WASHC2C: variants seen among roughly 807,000 people sequenced by gnomAD.
WASHC2C encodes Vaccinia Penetration Factor.
Under a neutral mutation model 142.2 loss-of-function variants are expected in WASHC2C, and 73 were observed. The ratio of observed to expected loss-of-function variants is 0.51; its 90% CI spans 0.43 to 0.62. The LOEUF (loss-of-function observed/expected upper bound fraction) is 0.62, where lower values mean the gene tolerates loss of function less well. Ranked by LOEUF, WASHC2C falls within the 20% of genes least tolerant of loss-of-function variation. WASHC2C has a pLI of 0.00. For synonymous variants in WASHC2C, 337 were observed against 565.5 expected (o/e 0.60, Z 5.73); for missense variants, 969 against 1,531.7 (o/e 0.63, Z 6.13).
At chr10:45,784,263 T>TAC (rs2057774170) in intron 23 of WASHC2C, among the ~76,000 whole-genome samples, 2 of 4,926 alleles carry the variant, frequency 4.1e-4, no homozygotes, top group Non-Finnish European at 1.1e-3. Flanking sequence ...TATATATATA[T>TAC]ATATATATAT....
Position 45,790,418 on chromosome 10 carries a change from A to G in WASHC2C, c.3771A>G (p.Thr1257=), listed in dbSNP as rs1205968162. The change falls in exon 30 of 31, where the codon ACA becomes ACG. Residue 1257 remains threonine (T), a synonymous_variant. Transcript: ENST00000623400. ...PSQKTREKEK[T]LESNLFDDNI... ...AGAAAACCAGAGAGAAGGAGAAAAC[A>G]TTGGAATCTAATTTATTTGATGATA... 6.2e-7 allele frequency: 1 copy of G among 1,611,148 alleles called. No homozygotes were observed. The highest frequency in any genetic ancestry group is 8.5e-7 in the Non-Finnish European group (1 of 1,179,478).
At position 45,789,067 on chromosome 10, in the gene WASHC2C, C is replaced by G; in HGVS notation, c.3284C>G (p.Ala1095Gly). The stretch of plus-strand genomic sequence containing the variant: ...AGTGGAGAAGACAGCACTGAGGAGG[C>G]CCTGGCAGCTGCCGCTGCACCTTGG... ...AASGEDSTEE[A>G]LAAAAAPWEG... Residue 1095 changes from alanine (A) to glycine (G), a missense_variant, in exon 29 of 31, where the codon GCC becomes GGC. Transcript: ENST00000623400. 7 of 1,612,058 alleles carry G rather than the reference C, an allele frequency of 4.3e-6. No homozygotes were observed. Among genetic ancestry groups the G allele is most frequent in the Non-Finnish European group, 5.9e-6 (7 of 1,179,862 alleles).
Position 45,743,454 on chromosome 10 carries a change from A to G in WASHC2C, c.593A>G (p.Asp198Gly), listed in dbSNP as rs201159968. The change falls in exon 6 of 31, where the codon GAT (aspartate) becomes GGT (glycine). Residue 198 changes from aspartate to glycine, a missense_variant. By Grantham distance (94) the Asp-to-Gly change is moderately conservative. Coordinates refer to ENST00000623400, the MANE Select transcript of WASHC2C (RefSeq NM_001330074.2). ...TCAAAGCTGTTCATGGAACAAGAAG[A>G]TGTAGGTCTTGGAGAGCTGTCCAGT... ...IGSKLFMEQE[D>G]VGLGELSSEE... The G allele has an allele frequency of 1.1e-4, 171 of 1,611,832 alleles. No homozygotes were observed. Among genetic ancestry groups the G allele is most frequent in the South Asian group, 3.3e-5 (3 of 90,984 alleles).
chr10:45,770,566 T>C (rs1242229874), intron 20 of WASHC2C, among the ~76,000 whole-genome samples: 2 of 152,092 alleles, frequency 1.3e-5, no homozygotes, highest in Admixed American at 6.6e-5. Flanking sequence ...AAGTAACTGA[T>C]TGGACATGTA....
chr10:45,752,289 G>A (rs575214742), intron 11 of WASHC2C, among the ~76,000 whole-genome samples: 141 of 152,374 alleles, frequency 9.3e-4, no homozygotes, highest in African/African-American at 2.8e-3. Flanking sequence ...TGAATGTGGC[G>A]TCTGACCCGA....
chr10:45,768,201 C>T (rs1455611837), intron 19 of WASHC2C, among the ~76,000 whole-genome samples: 21 of 148,166 alleles, frequency 1.4e-4, no homozygotes, highest in South Asian at 2.2e-4. Context: ...CACTCCAGCC[C>T]GGGCCACAGA....
At chr10:45,784,287 T>TATATATATATATATATAC (rs1554889013) in intron 23 of WASHC2C, among the ~76,000 whole-genome samples, 1 of 8,516 alleles carries the variant, frequency 1.2e-4, no homozygotes, top group Non-Finnish European at 3.2e-4. Context: ...TATATATATA[T>TATATATATATATATATAC]ATACACATAT....
chr10:45,777,568 T>A, intron 22 of WASHC2C, 143 bp downstream of exon 22: 1 of 677,622 alleles, frequency 1.5e-6, no homozygotes. Flanking sequence ...GCAGGCTGTG[T>A]CCCCACAGTG....
intron 7 of WASHC2C, 64 bp downstream of exon 7, chr10:45,744,946 C>A (rs1398167355): frequency 2.0e-6 from 1 of 489,458 alleles, no homozygotes; most frequent in African/African-American, 2.4e-5. Flanking sequence ...ATGGGCCTAG[C>A]AGGCTAAGTA....
chr10:45,779,242 T>C (rs2057313550), intron 23 of WASHC2C, 107 bp downstream of exon 23: 2 of 749,248 alleles, frequency 2.7e-6, no homozygotes, highest in African/African-American at 3.4e-5. Flanking sequence ...TAACCTTCAA[T>C]GTAGTGTGTT....
intron 8 of WASHC2C, among the ~76,000 whole-genome samples, chr10:45,749,851 A>ATATATATATATATATATATATATT (rs797033033): frequency 4.3e-4 from 47 of 108,084 alleles, no homozygotes; most frequent in African/African-American, 1.8e-3. Flanking sequence ...ATATATATAT[A>ATATATATATATATATATATATATT]TATATTTATA....
intron 21 of WASHC2C, among the ~76,000 whole-genome samples, chr10:45,776,955 A>G (rs2057139786): frequency 6.7e-6 from 1 of 149,730 alleles, no homozygotes; most frequent in South Asian, 2.1e-4. Context: ...GAAATATAAG[A>G]GGAGTGAGGC....
chr10:45,762,618 T>C (rs1285453101), intron 17 of WASHC2C, among the ~76,000 whole-genome samples: 3 of 152,224 alleles, frequency 2.0e-5, no homozygotes, highest in African/African-American at 4.8e-5. Context: ...TTAAAAGAAA[T>C]AAGTCGGCCG....
chr10:45,765,752 A>C lies in WASHC2C; in HGVS notation c.1811A>C (p.Lys604Thr), dbSNP rs1362326176. Residue 604 changes from lysine (K) to threonine (T), a missense_variant, in exon 19 of 31, where the codon AAA (lysine) becomes ACA (threonine). By Grantham distance (78) the Lys-to-Thr change is moderately conservative. Coordinates refer to ENST00000623400, the MANE Select transcript of WASHC2C (RefSeq NM_001330074.2). Reference protein sequence around the residue: ...SLQAQREEKAKASELSKKKAS... With the variant: ...SLQAQREEKATASELSKKKAS... ...CAAGCTCAGAGAGAAGAGAAAGCAA[A>C]AGCCTCCGAGCTCTCCAAAAAGAAA... 1.2e-6 allele frequency: 2 copies of C among 1,611,918 alleles called. No homozygotes were observed. Among genetic ancestry groups the C allele is most frequent in the Non-Finnish European group, 1.7e-6 (2 of 1,179,882 alleles).
intron 5 of WASHC2C, among the ~76,000 whole-genome samples, chr10:45,740,488 T>C (rs2051869552): frequency 6.6e-6 from 1 of 152,140 alleles, no homozygotes; most frequent in East Asian, 1.9e-4. Context: ...ACTCTCGAGG[T>C]GTGTGTTGCA....
chr10:45,792,107 A>G (rs1431887118), intron 30 of WASHC2C, among the ~76,000 whole-genome samples, 154 bp from the exon 31 acceptor site: 1 of 144,392 alleles, frequency 6.9e-6, no homozygotes, highest in African/African-American at 2.5e-5. Context: ...ACAAACACAG[A>G]ACCAGAATCT....
chr10:45,741,634 CTGT>C (rs1297841772), intron 5 of WASHC2C, among the ~76,000 whole-genome samples: 4 of 152,130 alleles, frequency 2.6e-5, no homozygotes, highest in African/African-American at 9.7e-5. Context: ...CCCAATCTTT[CTGT>C]TGTTGTGTGA....
Position 45,759,334 on chromosome 10 carries a change from A to G in WASHC2C, c.1568A>G (p.Lys523Arg). 4.3e-6 allele frequency: 6 copies of G among 1,384,256 alleles called. 1 individual carries two copies. Among genetic ancestry groups the G allele is most frequent in the Non-Finnish European group, 5.8e-6 (6 of 1,039,592 alleles). The allele number at this position is 1,384,256 out of a possible 1,614,324, so 85.7% of individuals were successfully genotyped here. The change falls in exon 17 of 31, where the codon AAA becomes AGA. Residue 523 changes from lysine (K) to arginine (R), a missense_variant. Lys to Arg is a conservative substitution (Grantham distance 26, BLOSUM62 2). Transcript: ENST00000623400. ...ACAAAGGTTACCTTATCTTACAGCA[A>G]AAATCTCAAGCCCTCATCAGAAACA... Reference protein sequence around the residue: ...AEKKVTLSYSKNLKPSSETKT... With the variant: ...AEKKVTLSYSRNLKPSSETKT...
Position 45,789,186 on chromosome 10 carries a change from A to G in WASHC2C, c.3403A>G (p.Ile1135Val), listed in dbSNP as rs1475499128. ...GGCTGACCTTTTTGATTCTGGGGAC[A>G]TTTTTTCCACGGGCACTGGATCTCA... is the stretch of plus-strand genomic sequence containing the variant. Reference protein sequence around the residue: ...GEADLFDSGDIFSTGTGSQSV... With the variant: ...GEADLFDSGDVFSTGTGSQSV... The change falls in exon 29 of 31, where the codon ATT becomes GTT. Residue 1135 changes from isoleucine to valine, a missense_variant. Ile to Val is a conservative substitution (Grantham distance 29). Transcript: ENST00000623400. 8.7e-6 allele frequency: 14 copies of G among 1,611,886 alleles called. No homozygotes were observed. The African/African-American group carries it at 1.7e-4, about 20-fold the overall frequency.
Sources: allele counts gnomAD v4.1 joint callset (sites outside exome capture counted in the v4.1 genomes callset), GRCh38; gene constraint gnomAD v4.1.1; transcripts MANE v1.5; gene names NCBI Gene and HGNC (gene_info 2026-07-23, HGNC 2026-07-21).